PCDHGA5: variants seen among roughly 807,000 people sequenced by gnomAD.
PCDHGA5 encodes protocadherin gamma-A5.
In PCDHGA5, 36 loss-of-function variants were observed where a neutral mutation model predicts 56.7. That is an observed-to-expected ratio of 0.64 (90% CI 0.49 to 0.84). The LOEUF (loss-of-function observed/expected upper bound fraction) is 0.84, where lower values mean the gene tolerates loss of function less well. Ranked by LOEUF, PCDHGA5 falls within the 40% of genes least tolerant of loss-of-function variation. PCDHGA5 has a pLI of 0.00. For missense variants in PCDHGA5, 1,305 were observed against 1,201.5 expected, an observed-to-expected ratio of 1.09 and a Z score of -1.27; for synonymous variants, 563 against 520.2, an observed-to-expected ratio of 1.08 and a Z score of -1.12.
chr5:141,382,577 A>T (rs533715089), intron 1 of PCDHGA5, among the ~76,000 whole-genome samples: 47 of 152,338 alleles, frequency 3.1e-4, no homozygotes, highest in Middle Eastern at 6.8e-3. Flanking sequence ...TCTAACAGGG[A>T]AATTTTGAAA....
chr5:141,378,619 T>G (rs190214323), intron 1 of PCDHGA5: 1 of 152,306 alleles, frequency 6.6e-6, no homozygotes, highest in African/African-American at 2.4e-5. Context: ...TAAAAATAGA[T>G]GACTGACTGG....
intron 1 of PCDHGA5, among the ~76,000 whole-genome samples, chr5:141,400,846 A>G (rs1273650139): frequency 6.6e-6 from 1 of 152,190 alleles, no homozygotes; most frequent in Non-Finnish European, 1.5e-5. Context: ...ACATGTTTAT[A>G]TTTTATTGTA....
intron 1 of PCDHGA5, chr5:141,415,739 GGTTTTTTTTT>G: frequency 6.9e-6 from 3 of 434,948 alleles, no homozygotes; most frequent in Middle Eastern, 6.4e-4. Context: ...TGTTTATTAA[GGTTTTTTTTT>G]TTTTTTTTTT....
At chr5:141,506,863 G>A (rs1162975959) in intron 3 of PCDHGA5, among the ~76,000 whole-genome samples, 1 of 152,120 alleles carries the variant, frequency 6.6e-6, no homozygotes, top group Non-Finnish European at 1.5e-5. Context: ...GAGGACTGGT[G>A]GGTAGAGAAC....
chr5:141,485,714 G>A lies in PCDHGA5; in HGVS notation c.2422-9093G>A. 6.2e-7 allele frequency: 1 copy of A among 1,614,182 alleles called. No individual in the cohort carries two copies. The highest frequency in any genetic ancestry group is 8.5e-7 in the Non-Finnish European group (1 of 1,180,042). On this transcript the variant is annotated intron_variant, in intron 1 of 3. Transcript: ENST00000518069. This position sits in a 1 kb window ranked among gnomAD's most constrained non-coding sequence, Gnocchi z 5.7. ...GAGCTCCAATGAACACTTTGCACTG[G>A]ATGTGAAGAAGCGCAGCGACGGCAG...
intron 1 of PCDHGA5, chr5:141,372,040 G>C (rs1768337326): frequency 6.2e-7 from 1 of 1,613,472 alleles, no homozygotes; most frequent in Middle Eastern, 1.7e-4. Flanking sequence ...GTGAGCCTGC[G>C]CGTGTTGGTG....
intron 1 of PCDHGA5, chr5:141,403,257 G>A: frequency 6.2e-7 from 1 of 1,613,902 alleles, no homozygotes; most frequent in Non-Finnish European, 8.5e-7. Flanking sequence ...AGCCCGCGGT[G>A]TCTGGTGAAC....
At chr5:141,475,955 C>G (rs1562050812) in intron 1 of PCDHGA5, 8 of 800,218 alleles carry the variant, frequency 1.0e-5, no homozygotes, top group South Asian at 1.9e-5. Flanking sequence ...TTCTGCGCCC[C>G]GGGATGAGGC....
At chr5:141,370,407 T>G in intron 1 of PCDHGA5, 1 of 1,561,028 alleles carries the variant, frequency 6.4e-7, no homozygotes, top group African/African-American at 1.4e-5. Flanking sequence ...GGGAAATAGC[T>G]CCGGATGGAG....
Position 141,486,970 on chromosome 5 carries a change from T to G in PCDHGA5, c.2422-7837T>G, listed in dbSNP as rs754309905. 1 of 1,614,050 alleles carries G rather than the reference T, an allele frequency of 6.2e-7. No individual in the cohort carries two copies. Among genetic ancestry groups the G allele is most frequent in the African/African-American group, 1.3e-5 (1 of 74,904 alleles). ...CAAAGGTGACTGCTGTGGACTTGGATTCAGGTTACAATGCTTGGGTTTCCT... is the reference window on the plus strand; with the variant it reads ...CAAAGGTGACTGCTGTGGACTTGGAGTCAGGTTACAATGCTTGGGTTTCCT... On this transcript the variant is annotated intron_variant, in intron 1 of 3. Coordinates refer to ENST00000518069, the MANE Select transcript of PCDHGA5 (RefSeq NM_018918.3). This position sits in a 1 kb window ranked among gnomAD's most constrained non-coding sequence, Gnocchi z 5.0.
At chr5:141,507,537 C>CA (rs140454890) in intron 3 of PCDHGA5, among the ~76,000 whole-genome samples, 3,617 of 152,286 alleles carry the variant, frequency 0.024, 53 homozygotes, top group East Asian at 0.043. Context: ...AGGCCAGAGA[C>CA]TGAGTATGAA....
chr5:141,393,508 T>A (rs540869636), intron 1 of PCDHGA5: 2 of 1,614,010 alleles, frequency 1.2e-6, no homozygotes, highest in East Asian at 4.5e-5. Flanking sequence ...CACGTGACAG[T>A]GTTGGATACA....
intron 1 of PCDHGA5, chr5:141,395,547 TG>T (rs5871772): frequency 0.053 from 9,293 of 174,278 alleles, 481 homozygotes; most frequent in Middle Eastern, 0.08. Flanking sequence ...ATTGTTTGTG[TG>T]TGTGTGTGTG....
intron 1 of PCDHGA5, among the ~76,000 whole-genome samples, chr5:141,447,047 T>C (rs529082157): frequency 1.3e-5 from 2 of 152,342 alleles, no homozygotes; most frequent in African/African-American, 4.8e-5. Flanking sequence ...TCTGGAATTC[T>C]ATTAAAATGT....
intron 1 of PCDHGA5, among the ~76,000 whole-genome samples, chr5:141,461,881 T>C (rs2099025428): frequency 6.6e-6 from 1 of 152,060 alleles, no homozygotes. Flanking sequence ...TGGAGTGCAA[T>C]GGCACGATCT....
At chr5:141,418,136 G>C (rs1218707482) in intron 1 of PCDHGA5, 15 of 1,613,984 alleles carry the variant, frequency 9.3e-6, no homozygotes, top group Non-Finnish European at 1.1e-5. Flanking sequence ...AATAGACCGT[G>C]AGCAAATATG....
At chr5:141,403,081 T>C (rs772246285) in intron 1 of PCDHGA5, 1 of 1,614,048 alleles carries the variant, frequency 6.2e-7, no homozygotes, top group East Asian at 2.2e-5. Flanking sequence ...AAAAGGGCTA[T>C]ATTGTGGGCA....
intron 1 of PCDHGA5, chr5:141,414,689 T>G (rs1256681548): frequency 1.2e-6 from 2 of 1,614,070 alleles, no homozygotes; most frequent in Non-Finnish European, 8.5e-7. Context: ...GGGGTACCTC[T>G]GTCCTCATAC....
intron 1 of PCDHGA5, chr5:141,389,731 G>C (rs761645703): frequency 6.2e-7 from 1 of 1,612,688 alleles, no homozygotes; most frequent in Non-Finnish European, 8.5e-7. Context: ...GGGCTCTTCA[G>C]CCTGGGGCTG....
Sources: gnomAD v4.1 joint callset for allele counts (sites outside exome capture counted in the v4.1 genomes callset) on GRCh38, gnomAD v4.1.1 for gene constraint, Gnocchi (gnomAD v3.1) non-coding constraint, MANE v1.5 for transcripts, NCBI Gene and HGNC (gene_info 2026-07-23, HGNC 2026-07-21) for gene names.